Variants in IQUB observed in about 807,000 individuals in gnomAD.
The protein encoded by IQUB is IQ motif and ubiquitin-like domain-containing protein.
A neutral mutation model predicts 86.4 loss-of-function variants in IQUB; 86 were observed. The observed-to-expected ratio is 1.00, with a 90% CI of 0.84 to 1.19. The LOEUF (loss-of-function observed/expected upper bound fraction) is 1.19. IQUB is among the 50% of genes most tolerant of loss of function. The pLI is 0.00. For synonymous variants in IQUB, 289 were observed against 304.5 expected, an observed-to-expected ratio of 0.95 and a Z score of 0.53; for missense variants, 946 against 916.9, an observed-to-expected ratio of 1.03 and a Z score of -0.41.
chr7:123,497,960 A>G (rs1795775060), intron 6 of IQUB, among the ~76,000 whole-genome samples: 1 of 151,844 alleles, frequency 6.6e-6, no homozygotes, highest in African/African-American at 2.4e-5. Context: ...TAACCAGGTG[A>G]CTTTAAAAAC....
chr7:123,511,449 G>A (rs748620034), intron 2 of IQUB, among the ~76,000 whole-genome samples: 1 of 152,126 alleles, frequency 6.6e-6, no homozygotes, highest in South Asian at 2.1e-4. Context: ...TGATTTTTCT[G>A]AAGGAAAATA....
chr7:123,473,484 T>C (rs1344980435), intron 8 of IQUB, among the ~76,000 whole-genome samples: 1 of 152,188 alleles, frequency 6.6e-6, no homozygotes, highest in Non-Finnish European at 1.5e-5. Flanking sequence ...CCCAAAGATA[T>C]ATTAGAAACC....
At chr7:123,503,765 C>G (rs184485670) in intron 3 of IQUB, among the ~76,000 whole-genome samples, 2 of 151,692 alleles carry the variant, frequency 1.3e-5, no homozygotes, top group Non-Finnish European at 1.5e-5. Context: ...GAACACATAT[C>G]GTTTAATTAT....
At chr7:123,527,992 G>T (rs1274638537) in intron 1 of IQUB, among the ~76,000 whole-genome samples, 3 of 152,256 alleles carry the variant, frequency 2.0e-5, no homozygotes, top group Non-Finnish European at 4.4e-5. Context: ...GACCCTCCGA[G>T]CCGGGTGGGG....
chr7:123,456,273 C>A (rs953983870), intron 12 of IQUB, among the ~76,000 whole-genome samples: 1 of 151,998 alleles, frequency 6.6e-6, no homozygotes, highest in African/African-American at 2.4e-5. Flanking sequence ...ATTGAAGAAG[C>A]ACTGGAATAT....
chr7:123,460,107 A>G (rs1412879957), intron 11 of IQUB, among the ~76,000 whole-genome samples: 1 of 151,930 alleles, frequency 6.6e-6, no homozygotes, highest in Non-Finnish European at 1.5e-5. Context: ...TGGGAATCAG[A>G]CTGCCTAGTT....
At chr7:123,465,443 A>G (rs554937721) in intron 9 of IQUB, among the ~76,000 whole-genome samples, 8 of 152,098 alleles carry the variant, frequency 5.3e-5, no homozygotes, top group Admixed American at 5.2e-4. Flanking sequence ...ATTCGAAGGG[A>G]AAAGAGGACA....
rs760138677 is a variant in IQUB at position 123,461,578 on chromosome 7, T to C, written c.1786A>G (p.Lys596Glu). 1.9e-6 allele frequency: 3 copies of C among 1,610,716 alleles called. No individual in the cohort carries two copies. The South Asian group carries it at 3.3e-5, about 18-fold the overall frequency. ...CAACTGTGGCAAAAGTAAATCTTCT[T>C]ATAAAATTTCAATGGGTCTTGAGGG... ...KVPQDPLKFYKKIYFCHSCQL... is the reference protein window; with the variant it reads ...KVPQDPLKFYEKIYFCHSCQL... Residue 596 changes from lysine to glutamate, a missense_variant, in exon 11 of 13, where the codon AAG (lysine) becomes GAG (glutamate). By Grantham distance (56) the Lys-to-Glu change is moderately conservative (BLOSUM62 1). Transcript: ENST00000324698.
intron 1 of IQUB, 91 bp from the exon 2 acceptor site, chr7:123,512,435 A>T (rs951184225): frequency 1.5e-6 from 1 of 663,810 alleles, no homozygotes; most frequent in Non-Finnish European, 2.3e-6. Flanking sequence ...AACATTCATA[A>T]TATTCAACTA....
intron 1 of IQUB, among the ~76,000 whole-genome samples, chr7:123,528,342 G>GA (rs1429755303): frequency 6.6e-6 from 1 of 151,944 alleles, no homozygotes; most frequent in Non-Finnish European, 1.5e-5. Flanking sequence ...ACTCCTCCCC[G>GA]AAAAAAATAC....
In IQUB at chr7:123,456,557, AAAAC is replaced by A. The variant is rs759424193; in HGVS notation, c.2193+820_2193+823del. The A allele has an allele frequency of 5.9e-5, 9 of 152,020 alleles. 1 individual carries two copies. In the East Asian group the frequency reaches 1.7e-3, roughly 29 times the overall value. The allele number at this position is 152,020 out of a possible 1,614,324, so 9.4% of individuals were successfully genotyped here. On this transcript the variant is annotated intron_variant, in intron 12 of 12. Coordinates refer to ENST00000324698, the MANE Select transcript of IQUB (RefSeq NM_178827.5). ...TCATCACCCCTTGTTCCACTGAAAA[AAAAC>A]AAACAGGGAATCACACTATTTTAAA...
chr7:123,456,099 T>TA (rs1187812897), intron 12 of IQUB, among the ~76,000 whole-genome samples: 2 of 152,096 alleles, frequency 1.3e-5, no homozygotes, highest in Admixed American at 6.6e-5. Flanking sequence ...CCCAAAACCA[T>TA]AAAAAAGGCA....
intron 7 of IQUB, among the ~76,000 whole-genome samples, chr7:123,490,372 T>A (rs1795404417): frequency 6.6e-6 from 1 of 152,038 alleles, no homozygotes; most frequent in Non-Finnish European, 1.5e-5. Context: ...TTACATCTAA[T>A]AAGAAAGTTT....
chr7:123,490,966 GA>G lies in IQUB; in HGVS notation c.1234+5729del, dbSNP rs201599464. ...GCAACAAGAGCAAAACACCATCTTG[GA>G]AAAAAAAAAAAACAAACAAACCTCA... is the stretch of plus-strand genomic sequence containing the variant. On this transcript the variant is annotated intron_variant, in intron 7 of 12. Transcript: ENST00000324698. 2.0e-3 allele frequency among the ~76,000 whole-genome samples: 270 copies of G among 132,470 alleles called. 2 individuals are homozygous for G. The highest frequency in any genetic ancestry group is 5.4e-3 in the African/African-American group (193 of 35,684). The allele number at this position is 132,470 out of a possible 152,430, so 86.9% of individuals were successfully genotyped here.
At chr7:123,502,354 A>C in intron 6 of IQUB, 1 of 471,280 alleles carries the variant, frequency 2.1e-6, no homozygotes, top group Non-Finnish European at 3.7e-6. Flanking sequence ...ATAATGGCCA[A>C]AGGCAATACA....
chr7:123,534,088 G>C (rs373204290), intron 1 of IQUB, among the ~76,000 whole-genome samples: 2 of 152,182 alleles, frequency 1.3e-5, no homozygotes, highest in Non-Finnish European at 2.9e-5. Context: ...AGGAGTGAGA[G>C]TGCCAGGTGA....
At chr7:123,527,963 C>T (rs1271238332) in intron 1 of IQUB, among the ~76,000 whole-genome samples, 2 of 152,194 alleles carry the variant, frequency 1.3e-5, no homozygotes, top group African/African-American at 2.4e-5. Context: ...TAGCAATTAG[C>T]GAGACTCCGT....
intron 1 of IQUB, among the ~76,000 whole-genome samples, chr7:123,517,297 C>T (rs1364264219): frequency 6.6e-6 from 1 of 151,590 alleles, no homozygotes; most frequent in Middle Eastern, 3.4e-3. Flanking sequence ...TTTGTGAGGC[C>T]GAGGCGGGTG....
chr7:123,522,707 A>G (rs1301712511), intron 1 of IQUB, among the ~76,000 whole-genome samples: 1 of 152,006 alleles, frequency 6.6e-6, no homozygotes, highest in African/African-American at 2.4e-5. Flanking sequence ...AGAAAAAAAT[A>G]CTTTTATTAT....
Sources: gnomAD v4.1 joint callset for allele counts (sites outside exome capture counted in the v4.1 genomes callset) on GRCh38, gnomAD v4.1.1 for gene constraint, MANE v1.5 for transcripts, NCBI Gene and HGNC (gene_info 2026-07-23, HGNC 2026-07-21) for gene names.